The following PPIL4 variants were observed in gnomAD, a reference collection of about 807,000 sequenced individuals.
The protein encoded by PPIL4 is peptidyl-prolyl cis-trans isomerase-like 4.
In PPIL4, 50 loss-of-function variants were observed where a neutral mutation model predicts 69.1. The ratio of observed to expected loss-of-function variants is 0.72; its 90% CI spans 0.58 to 0.92. PPIL4 has a LOEUF of 0.92. Ranked by LOEUF, PPIL4 falls within the 40% of genes least tolerant of loss-of-function variation. The pLI is 0.00. For missense variants in PPIL4, 480 were observed against 587.9 expected (o/e 0.82, Z 1.90); for synonymous variants, 193 against 191.6 (o/e 1.01, Z -0.06).
At position 149,541,017 on chromosome 6, in the gene PPIL4, T is replaced by C; in HGVS notation, c.246A>G (p.Lys82=). 1 of 1,612,358 alleles carries C rather than the reference T, an allele frequency of 6.2e-7. No homozygotes were observed. The highest frequency in any genetic ancestry group is 1.3e-5 in the African/African-American group (1 of 75,006). The change falls in exon 4 of 13, where the codon AAA becomes AAG. Residue 82 remains lysine (K), a synonymous_variant. Transcript: ENST00000253329. ...GDQASFFEAE[K]VPRIKHKKKG... ...TCTTCTTGTGCTTAATTCTTGGGAC[T>C]TTTTCTGCCTCAAAAAAGCTTGCTT...
intron 10 of PPIL4, chr6:149,517,812 T>G (rs111335846): frequency 0.014 from 2,362 of 169,980 alleles, 63 homozygotes; most frequent in African/African-American, 0.054. Flanking sequence ...GACCTAAGTT[T>G]GAGAGAAGTG....
At chr6:149,531,491 A>T (rs1777197209) in intron 7 of PPIL4, among the ~76,000 whole-genome samples, 1 of 150,046 alleles carries the variant, frequency 6.7e-6, no homozygotes, top group Non-Finnish European at 1.5e-5. Flanking sequence ...AGCCGAGATC[A>T]TGCCATTGCA....
At position 149,513,436 on chromosome 6, in the gene PPIL4, T is replaced by C. The variant is rs201430620; in HGVS notation, c.1080-1134A>G. ...AAATATATATATATATATATATATA[T>C]ATACATATAAAAAATATGCATAATA... On this transcript the variant is annotated intron_variant, in intron 11 of 12. Coordinates refer to ENST00000253329, the MANE Select transcript of PPIL4 (RefSeq NM_139126.4). 6.1e-3 allele frequency among the ~76,000 whole-genome samples: 659 copies of C among 108,058 alleles called. 5 individuals carry two copies. Among genetic ancestry groups the C allele is most frequent in the Middle Eastern group, 0.03 (5 of 168 alleles). 70.9% of individuals were successfully genotyped at this position (108,058 alleles called of 152,430 possible). A position where few individuals can be genotyped will look rare whatever the true frequency, so the allele number is the denominator to read the frequency against.
Position 149,512,829 on chromosome 6 carries a change from G to A in PPIL4, c.1080-527C>T, listed in dbSNP as rs1012901699. On this transcript the variant is annotated intron_variant, in intron 11 of 12. Transcript: ENST00000253329. ...GCGATCTCAGCTCACTGCAACCTCC[G>A]CCTCTCAGGTTCAAGCAATTCTCCT... Among the ~76,000 whole-genome samples, 43 of 151,942 alleles carry A rather than the reference G, an allele frequency of 2.8e-4. No individual in the cohort carries two copies. In the East Asian group the frequency reaches 7.4e-3, roughly 26 times the overall value.
chr6:149,528,639 G>A (rs986121330), intron 7 of PPIL4, among the ~76,000 whole-genome samples: 2 of 152,200 alleles, frequency 1.3e-5, no homozygotes, highest in African/African-American at 2.4e-5. Flanking sequence ...GCAAGGATGT[G>A]AGGCAAAAGA....
intron 12 of PPIL4, among the ~76,000 whole-genome samples, chr6:149,510,854 G>A (rs1410596018): frequency 2.7e-5 from 4 of 150,768 alleles, no homozygotes; most frequent in Admixed American, 2.6e-4. Context: ...TGCTTTAACA[G>A]TTAAAAAAAA....
chr6:149,527,675 CT>C (rs1158414232), intron 7 of PPIL4, among the ~76,000 whole-genome samples: 3 of 152,176 alleles, frequency 2.0e-5, no homozygotes, highest in Non-Finnish European at 4.4e-5. Context: ...AAATACCCTG[CT>C]TTTTGGTTTT....
chr6:149,518,129 T>G (rs1334748485), intron 10 of PPIL4, among the ~76,000 whole-genome samples: 1 of 152,084 alleles, frequency 6.6e-6, no homozygotes, highest in African/African-American at 2.4e-5. Context: ...AGACAAACTG[T>G]CTCTACTTTG....
chr6:149,520,173 T>C (rs1777007975), intron 10 of PPIL4, among the ~76,000 whole-genome samples: 1 of 152,214 alleles, frequency 6.6e-6, no homozygotes, highest in African/African-American at 2.4e-5. Flanking sequence ...AAACAGTATG[T>C]ATAGCCTGCA....
chr6:149,539,985 C>A (rs1007430002), intron 4 of PPIL4, among the ~76,000 whole-genome samples: 8 of 152,002 alleles, frequency 5.3e-5, no homozygotes, highest in Non-Finnish European at 7.4e-5. Context: ...CAGAAAGTAG[C>A]CGAGCGTGGT....
At chr6:149,533,358 A>G (rs1777227237) in intron 7 of PPIL4, 100 bp downstream of exon 7, 1 of 682,352 alleles carries the variant, frequency 1.5e-6, no homozygotes, top group Non-Finnish European at 2.5e-6. Context: ...TCATAACTCA[A>G]TTTTTAACAT....
At chr6:149,512,407 C>A in intron 11 of PPIL4, 105 bp from the exon 12 acceptor site, 1 of 729,808 alleles carries the variant, frequency 1.4e-6, no homozygotes, top group Admixed American at 2.7e-5. Context: ...GTAACTAAAG[C>A]AAAAAGCATC....
intron 1 of PPIL4, 49 bp downstream of exon 1, chr6:149,545,887 A>G: frequency 2.6e-6 from 4 of 1,513,416 alleles, no homozygotes; most frequent in Non-Finnish European, 1.8e-6. Context: ...GAAAGTAGGG[A>G]GACAAGCTCG....
At chr6:149,534,848 C>A in intron 5 of PPIL4, 74 bp from the exon 6 acceptor site, 1 of 872,966 alleles carries the variant, frequency 1.1e-6, no homozygotes, top group South Asian at 1.9e-5. Context: ...TAATAGATTA[C>A]AAAAAATTAC....
At chr6:149,512,051 T>C (rs996011570) in intron 12 of PPIL4, 104 bp downstream of exon 12, 17 of 890,128 alleles carry the variant, frequency 1.9e-5, no homozygotes, top group Non-Finnish European at 2.4e-5. Context: ...AACCCATCTC[T>C]GCTTAGAACT....
rs1208900739 is a variant in PPIL4, at chr6:149,541,504, T to C, written c.138+15A>G. The stretch of plus-strand genomic sequence containing the variant: ...TTCCAATAACAAAGGAAATGACTAA[T>C]ATCTACCAACTCACCTGTACATTGT... On this transcript the variant is annotated intron_variant, in intron 2 of 12. Coordinates refer to ENST00000253329, the MANE Select transcript of PPIL4 (RefSeq NM_139126.4). The C allele has an allele frequency of 1.9e-6, 3 of 1,543,684 alleles. No homozygotes were observed. Among genetic ancestry groups the C allele is most frequent in the Admixed American group, 1.7e-5 (1 of 59,298 alleles).
At chr6:149,536,658 G>A (rs1777280342) in intron 4 of PPIL4, among the ~76,000 whole-genome samples, 1 of 150,464 alleles carries the variant, frequency 6.6e-6, no homozygotes. Flanking sequence ...GAAGGTAGCT[G>A]CAAAAGAAAG....
Position 149,505,144 on chromosome 6 carries a change from T to C in PPIL4, c.*309A>G. The C allele has an allele frequency of 4.4e-6, 1 of 228,238 alleles. No homozygotes were observed. Among genetic ancestry groups the C allele is most frequent in the Non-Finnish European group, 8.6e-6 (1 of 116,568 alleles). The allele number at this position is 228,238 out of a possible 1,614,324, so 14.1% of individuals were successfully genotyped here. On this transcript the variant is annotated 3_prime_UTR_variant, in exon 13 of 13. Coordinates refer to ENST00000253329, the MANE Select transcript of PPIL4 (RefSeq NM_139126.4). ...CACAGATATTTACATTTATTATCCC[T>C]TTATATATACGTTTATGTATTTTTG...
chr6:149,515,504 C>CA (rs1776930853), intron 11 of PPIL4, among the ~76,000 whole-genome samples: 1 of 152,126 alleles, frequency 6.6e-6, no homozygotes, highest in African/African-American at 2.4e-5. Flanking sequence ...TATCTCTTTG[C>CA]AATATTTATT....
Sources: gnomAD v4.1 joint callset for allele counts (sites outside exome capture counted in the v4.1 genomes callset) on GRCh38, gnomAD v4.1.1 for gene constraint, MANE v1.5 for transcripts, NCBI Gene and HGNC (gene_info 2026-07-23, HGNC 2026-07-21) for gene names.